The following PODXL variants were observed in gnomAD, a reference collection of about 807,000 sequenced individuals.
PODXL encodes podocalyxin like, also known as podocalyxin.
Under a neutral mutation model 48.9 loss-of-function variants are expected in PODXL, and 20 were observed. The ratio of observed to expected loss-of-function variants is 0.41; its 90% confidence interval spans 0.29 to 0.59. PODXL has a LOEUF of 0.59. Ranked by LOEUF, PODXL falls within the 20% of genes least tolerant of loss-of-function variation. The pLI is 0.31. For synonymous variants in PODXL, 295 were observed against 287.4 expected (o/e 1.03, Z -0.27); for missense variants, 606 against 675.1 (o/e 0.90, Z 1.13).
At chr7:131,523,353 A>G (rs913282203) in intron 1 of PODXL, among the ~76,000 whole-genome samples, 3 of 152,204 alleles carry the variant, frequency 2.0e-5, no homozygotes, top group Non-Finnish European at 4.4e-5. Context: ...TGAAAAATCA[A>G]TCAATGCAAT....
intron 1 of PODXL, among the ~76,000 whole-genome samples, chr7:131,539,475 C>T (rs1378983611): frequency 6.6e-6 from 1 of 152,076 alleles, no homozygotes; most frequent in African/African-American, 2.4e-5. Flanking sequence ...GGATTACAGG[C>T]ACGCACCACC....
chr7:131,538,377 G>A (rs1288554351), intron 1 of PODXL, among the ~76,000 whole-genome samples: 1 of 152,172 alleles, frequency 6.6e-6, no homozygotes, highest in Non-Finnish European at 1.5e-5. Context: ...ACAGCAGCTA[G>A]TGGGGCTCAG....
chr7:131,548,674 ACT>A (rs767716394), intron 1 of PODXL, among the ~76,000 whole-genome samples: 7 of 151,854 alleles, frequency 4.6e-5, no homozygotes, highest in Non-Finnish European at 8.8e-5. Flanking sequence ...TTAATCCACT[ACT>A]CTTTTTTGTT....
intron 1 of PODXL, among the ~76,000 whole-genome samples, chr7:131,535,385 G>A (rs1410962908): frequency 2.0e-5 from 3 of 152,162 alleles, no homozygotes; most frequent in East Asian, 1.9e-4. Flanking sequence ...TGAAGAAAGC[G>A]TTCAACACCA....
At chr7:131,528,511 G>T (rs755804968) in intron 1 of PODXL, among the ~76,000 whole-genome samples, 1 of 152,200 alleles carries the variant, frequency 6.6e-6, no homozygotes. Flanking sequence ...GATTCAGCAG[G>T]CCTGGGATGT....
chr7:131,556,302 G>A lies in PODXL; in HGVS notation c.58C>T (p.Leu20=), dbSNP rs1278833710. Residue 20 remains leucine (L), a synonymous_variant, in exon 1 of 9, where the codon CTG becomes TTG. Coordinates refer to ENST00000378555, the MANE Select transcript of PODXL (RefSeq NM_001018111.3). ...LLLLLSTPPL[L]PSSPSPSPSP... ...GGCGACGGCGACGGCGACGACGGCA[G>A]CAGCGGCGGCGTTGACAACAGTAGC... 1 of 1,374,412 alleles carries A rather than the reference G, an allele frequency of 7.3e-7. No homozygotes were observed. The highest frequency in any genetic ancestry group is 9.8e-7 in the Non-Finnish European group (1 of 1,020,524). 85.1% of individuals were successfully genotyped at this position (1,374,412 alleles called of 1,614,324 possible). A position where few individuals can be genotyped will look rare whatever the true frequency, so the allele number is the denominator to read the frequency against.
In PODXL at chr7:131,504,420, T is replaced by C. The variant is rs1441973390; in HGVS notation, c.1568A>G (p.Gln523Arg). ...LEVMETSSEM[Q>R]EKKVVSLNGE... Reference sequence around the variant, plus strand: ...GTTGAGGCTGACCACCTTCTTCTCCTGCATCTCAGAAGAGGTCTCCATCAC... The same window carrying C: ...GTTGAGGCTGACCACCTTCTTCTCCCGCATCTCAGAAGAGGTCTCCATCAC... The change falls in exon 9 of 9, where the codon CAG (glutamine) becomes CGG (arginine). Residue 523 changes from glutamine (Q) to arginine (R), a missense_variant. Gln to Arg is a conservative substitution (Grantham distance 43). Transcript: ENST00000378555. 1.9e-6 allele frequency: 3 copies of C among 1,613,980 alleles called. No homozygotes were observed. The highest frequency in any genetic ancestry group is 2.5e-6 in the Non-Finnish European group (3 of 1,179,938).
Position 131,503,969 on chromosome 7 carries a change from G to C in PODXL, c.*342C>G. On this transcript the variant is annotated 3_prime_UTR_variant, in exon 9 of 9. Transcript: ENST00000378555. The stretch of plus-strand genomic sequence containing the variant: ...TCTGTCACCAAGTGGCTCTGACCTT[G>C]GGCAAGTCACTTACCCTCTTCAGGT... 3.0e-6 allele frequency: 1 copy of C among 334,654 alleles called. No homozygotes were observed. Among genetic ancestry groups the C allele is most frequent in the African/African-American group, 2.1e-5 (1 of 46,828 alleles). The allele number at this position is 334,654 out of a possible 1,614,324, so 20.7% of individuals were successfully genotyped here.
At position 131,521,625 on chromosome 7, in the gene PODXL, A is replaced by G. The variant is rs978361025; in HGVS notation, c.101-10192T>C. On this transcript the variant is annotated intron_variant, in intron 1 of 8. Transcript: ENST00000378555. ...TGGGATTACAGACGTGAGCCACCACACCCAGCTGATTAAAGACAATTTTCA... is the reference window on the plus strand; with the variant it reads ...TGGGATTACAGACGTGAGCCACCACGCCCAGCTGATTAAAGACAATTTTCA... 4.6e-5 allele frequency among the ~76,000 whole-genome samples: 7 copies of G among 152,096 alleles called. No individual in the cohort carries two copies. In the East Asian group the frequency reaches 1.3e-3, roughly 29 times the overall value.
chr7:131,553,145 AT>A (rs1400783713), intron 1 of PODXL, among the ~76,000 whole-genome samples: 1 of 152,024 alleles, frequency 6.6e-6, no homozygotes, highest in Admixed American at 6.5e-5. Context: ...CAATGACTCC[AT>A]CTCAAGAACC....
At chr7:131,520,969 A>G (rs1364378766) in intron 1 of PODXL, among the ~76,000 whole-genome samples, 1 of 152,188 alleles carries the variant, frequency 6.6e-6, no homozygotes, top group Non-Finnish European at 1.5e-5. Context: ...GGAGTTCGAG[A>G]TAAGTCTGGC....
At chr7:131,524,287 T>C (rs551243007) in intron 1 of PODXL, among the ~76,000 whole-genome samples, 1 of 151,798 alleles carries the variant, frequency 6.6e-6, no homozygotes, top group East Asian at 1.9e-4. Flanking sequence ...AAAGCAAGGA[T>C]GTCCTCTCTT....
At chr7:131,521,379 G>C (rs1798090545) in intron 1 of PODXL, among the ~76,000 whole-genome samples, 1 of 148,654 alleles carries the variant, frequency 6.7e-6, no homozygotes, top group Non-Finnish European at 1.5e-5. Flanking sequence ...TGTCACCCAG[G>C]CTGGAGTGCA....
chr7:131,556,173 G>A, intron 1 of PODXL, 87 bp downstream of exon 1: 3 of 1,345,290 alleles, frequency 2.2e-6, no homozygotes, highest in Non-Finnish European at 2.9e-6. Context: ...CGGACCACGC[G>A]GCGCGCCGGG....
chr7:131,505,614 C>T (rs964542243), intron 8 of PODXL, among the ~76,000 whole-genome samples: 3 of 152,040 alleles, frequency 2.0e-5, no homozygotes, highest in African/African-American at 7.2e-5. Flanking sequence ...AAGACCCTGT[C>T]TGAAAAAAAT....
chr7:131,526,057 T>C (rs1798181019), intron 1 of PODXL, among the ~76,000 whole-genome samples: 1 of 152,170 alleles, frequency 6.6e-6, no homozygotes, highest in African/African-American at 2.4e-5. Flanking sequence ...TAGCATAGGG[T>C]ACACCCAGGT....
intron 1 of PODXL, among the ~76,000 whole-genome samples, chr7:131,529,945 A>ACAGCAGAGCCATCC (rs1798248974): frequency 6.2e-5 from 2 of 32,384 alleles, no homozygotes; most frequent in Non-Finnish European, 4.0e-4. Flanking sequence ...CCCTAGGGGT[A>ACAGCAGAGCCATCC]TAGGCGGGAG....
chr7:131,505,025 G>A (rs1797775147), intron 8 of PODXL, among the ~76,000 whole-genome samples: 1 of 152,108 alleles, frequency 6.6e-6, no homozygotes, highest in African/African-American at 2.4e-5. Flanking sequence ...GAATCACCTG[G>A]GGAGCTTTTA....
Position 131,510,878 on chromosome 7 carries a change from A to G in PODXL, c.656T>C (p.Val219Ala), listed in dbSNP as rs755796519. Reference sequence around the variant, plus strand: ...TGTGAAGGTGTAGCCAGGGATAGCCACAGTGCTTGAACTGCTTGAAATTTT... The same window carrying G: ...TGTGAAGGTGTAGCCAGGGATAGCCGCAGTGCTTGAACTGCTTGAAATTTT... ...LMKISSSSST[V>A]AIPGYTFTSP... The change falls in exon 2 of 9, where the codon GTG becomes GCG. Residue 219 changes from valine (V) to alanine (A), a missense_variant. By Grantham distance (64) the Val-to-Ala change is moderately conservative. Transcript: ENST00000378555. 2 of 1,614,148 alleles carry G rather than the reference A, an allele frequency of 1.2e-6. No homozygotes were observed. Among genetic ancestry groups the G allele is most frequent in the African/African-American group, 1.3e-5 (1 of 75,036 alleles).
Sources: gnomAD v4.1 joint callset for allele counts (sites outside exome capture counted in the v4.1 genomes callset) on GRCh38, gnomAD v4.1.1 for gene constraint, MANE v1.5 for transcripts, NCBI Gene and HGNC (gene_info 2026-07-23, HGNC 2026-07-21) for gene names.